MACROH2A2: variants seen among roughly 807,000 people sequenced by gnomAD.
MACROH2A2 encodes the protein macroH2A.2 histone, also known as core histone macro-H2A.2.
In MACROH2A2, 6 loss-of-function variants were observed where a neutral mutation model predicts 37.6. That is an observed-to-expected ratio of 0.16 (90% CI 0.09 to 0.32). The LOEUF (loss-of-function observed/expected upper bound fraction) is 0.32. MACROH2A2 is among the 10% of genes least tolerant of loss of function. MACROH2A2 has a pLI of 1.00. For missense variants in MACROH2A2, 290 were observed against 485.9 expected, an observed-to-expected ratio of 0.60 and a Z score of 3.79; for synonymous variants, 192 against 202.7, an observed-to-expected ratio of 0.95 and a Z score of 0.45.
intron 1 of MACROH2A2, among the ~76,000 whole-genome samples, chr10:70,057,755 TG>T (rs2072026625): frequency 1.3e-5 from 2 of 152,350 alleles, no homozygotes; most frequent in South Asian, 4.1e-4. Flanking sequence ...TGATTTCTTT[TG>T]TGGAAATAAA....
At chr10:70,055,179 T>C (rs2072007293) in intron 1 of MACROH2A2, among the ~76,000 whole-genome samples, 1 of 152,156 alleles carries the variant, frequency 6.6e-6, no homozygotes, top group Admixed American at 6.5e-5. Context: ...GAACAGGAGG[T>C]GAGTCCTGTC....
intron 5 of MACROH2A2, among the ~76,000 whole-genome samples, chr10:70,094,999 T>G (rs560408240): frequency 1.4e-3 from 211 of 152,274 alleles, no homozygotes; most frequent in Non-Finnish European, 2.4e-3. Flanking sequence ...TTGCAGGAGC[T>G]TCTCAGAAGA....
At chr10:70,079,567 A>ACG (rs1290410006) in intron 2 of MACROH2A2, among the ~76,000 whole-genome samples, 1,073 of 98,486 alleles carry the variant, frequency 0.011, 7 homozygotes, top group South Asian at 0.021. Context: ...GCGCGCGCGC[A>ACG]CACACACACA....
chr10:70,100,320 G>C, intron 7 of MACROH2A2, 23 bp downstream of exon 7: 1 of 1,359,864 alleles, frequency 7.4e-7, no homozygotes, highest in East Asian at 2.3e-5. Flanking sequence ...CTAGGCTCCT[G>C]TCACCAGCAT....
intron 7 of MACROH2A2, 46 bp downstream of exon 7, chr10:70,100,343 C>G: frequency 9.6e-7 from 1 of 1,039,124 alleles, no homozygotes; most frequent in Non-Finnish European, 1.5e-6. Flanking sequence ...CCTCACCCTC[C>G]TCTCTGGAGT....
At chr10:70,070,370 A>G (rs1011350906) in intron 1 of MACROH2A2, among the ~76,000 whole-genome samples, 14 of 152,130 alleles carry the variant, frequency 9.2e-5, no homozygotes, top group African/African-American at 3.4e-4. Context: ...ATAAAGTACC[A>G]TGTTCAGGAT....
intron 3 of MACROH2A2, among the ~76,000 whole-genome samples, chr10:70,091,337 G>A (rs1344988029): frequency 6.6e-6 from 1 of 152,206 alleles, no homozygotes; most frequent in Non-Finnish European, 1.5e-5. Flanking sequence ...GGTGTATTAC[G>A]CAGTTTCTTT....
At chr10:70,110,371 T>C (rs957091845) in intron 8 of MACROH2A2, among the ~76,000 whole-genome samples, 2 of 152,170 alleles carry the variant, frequency 1.3e-5, no homozygotes, top group Non-Finnish European at 2.9e-5. Flanking sequence ...TGAAATTACA[T>C]GGGCCTGTGC....
At chr10:70,085,010 A>G (rs2072202371) in intron 2 of MACROH2A2, among the ~76,000 whole-genome samples, 1 of 152,160 alleles carries the variant, frequency 6.6e-6, no homozygotes, top group Admixed American at 6.5e-5. Flanking sequence ...ACTCAATACA[A>G]TTATCTGGGC....
Position 70,053,705 on chromosome 10 carries a change from G to A in MACROH2A2, c.-60+705G>A, listed in dbSNP as rs2071991223. 6.6e-6 allele frequency among the ~76,000 whole-genome samples: 1 copy of A among 151,632 alleles called. No individual in the cohort carries two copies. Among genetic ancestry groups the A allele is most frequent in the South Asian group, 2.1e-4 (1 of 4,834 alleles). ...GGCGCGGAAGAGGGCGCGAGGCCGGGCACTCCCCTTCGGTTCCCTTTCCGG... is the reference window on the plus strand; with the variant it reads ...GGCGCGGAAGAGGGCGCGAGGCCGGACACTCCCCTTCGGTTCCCTTTCCGG... On this transcript the variant is annotated intron_variant, in intron 1 of 8. Coordinates refer to ENST00000373255, the MANE Select transcript of MACROH2A2 (RefSeq NM_018649.3). This position sits in a 1 kb window ranked among gnomAD's most constrained non-coding sequence, Gnocchi z 4.8.
intron 8 of MACROH2A2, among the ~76,000 whole-genome samples, chr10:70,109,757 C>T (rs1564549046): frequency 2.0e-5 from 3 of 152,170 alleles, no homozygotes; most frequent in South Asian, 2.1e-4. Flanking sequence ...TTGATGAATA[C>T]ACCCAGAGAA....
chr10:70,071,633 T>C (rs1354049194), intron 1 of MACROH2A2, among the ~76,000 whole-genome samples: 4 of 152,334 alleles, frequency 2.6e-5, no homozygotes, highest in Non-Finnish European at 4.4e-5. Context: ...TAGAGTGGAC[T>C]TCACAAACCT....
In MACROH2A2 at chr10:70,111,941, C is replaced by T. The variant is rs757430950; in HGVS notation, c.*258C>T. Reference sequence around the variant, plus strand: ...AGAACTTTTTTAAAAAAACAGACCTCGTTTTAGATTTATAGCATTGACTTT... The same window carrying T: ...AGAACTTTTTTAAAAAAACAGACCTTGTTTTAGATTTATAGCATTGACTTT... On this transcript the variant is annotated 3_prime_UTR_variant, in exon 9 of 9. Transcript: ENST00000373255. 14 of 303,366 alleles carry T rather than the reference C, an allele frequency of 4.6e-5. No individual in the cohort carries two copies. The highest frequency in any genetic ancestry group is 7.2e-5 in the Non-Finnish European group (12 of 165,846). 18.8% of individuals were successfully genotyped at this position (303,366 alleles called of 1,614,324 possible).
At chr10:70,062,770 A>T (rs1286500155) in intron 1 of MACROH2A2, among the ~76,000 whole-genome samples, 2 of 152,210 alleles carry the variant, frequency 1.3e-5, no homozygotes, top group Non-Finnish European at 2.9e-5. Flanking sequence ...GTAGAAAAAA[A>T]TGGTCATTTA....
chr10:70,074,754 C>A (rs1589833374), intron 1 of MACROH2A2, among the ~76,000 whole-genome samples: 1 of 152,190 alleles, frequency 6.6e-6, no homozygotes, highest in East Asian at 1.9e-4. Flanking sequence ...TAAGACGTGC[C>A]TTTCACCTTC....
Position 70,111,771 on chromosome 10 carries a change from G to A in MACROH2A2, c.*88G>A. 3 of 1,206,112 alleles carry A rather than the reference G, an allele frequency of 2.5e-6. No homozygotes were observed. The highest frequency in any genetic ancestry group is 2.8e-5 in the East Asian group (1 of 35,972). The allele number at this position is 1,206,112 out of a possible 1,614,324, so 74.7% of individuals were successfully genotyped here. The stretch of plus-strand genomic sequence containing the variant: ...TTAAAAGGAGAGAGGAGGGGTGATG[G>A]CAGGGGAGTGGAGGGTGGCCGGGCA... On this transcript the variant is annotated 3_prime_UTR_variant, in exon 9 of 9. Coordinates refer to ENST00000373255, the MANE Select transcript of MACROH2A2 (RefSeq NM_018649.3).
intron 1 of MACROH2A2, among the ~76,000 whole-genome samples, chr10:70,068,873 T>G (rs1003200876): frequency 9.9e-5 from 15 of 152,240 alleles, no homozygotes; most frequent in African/African-American, 3.6e-4. Flanking sequence ...GTCAGGCAAC[T>G]TCATTGGAAA....
chr10:70,092,045 AC>A, intron 4 of MACROH2A2, 91 bp downstream of exon 4: 2 of 998,492 alleles, frequency 2.0e-6, no homozygotes, highest in South Asian at 1.5e-5. Context: ...TTGAAACCTA[AC>A]CCCAGAGGCA....
At chr10:70,073,400 A>T (rs2072121700) in intron 1 of MACROH2A2, among the ~76,000 whole-genome samples, 2 of 152,234 alleles carry the variant, frequency 1.3e-5, no homozygotes, top group South Asian at 4.1e-4. Flanking sequence ...AGATGAAGAA[A>T]CAACGTGATA....
Sources: allele counts gnomAD v4.1 joint callset (sites outside exome capture counted in the v4.1 genomes callset), GRCh38; gene constraint gnomAD v4.1.1; non-coding constraint Gnocchi (gnomAD v3.1); transcripts MANE v1.5; gene names NCBI Gene and HGNC (gene_info 2026-07-23, HGNC 2026-07-21).